The following KCNAB2 variants were observed in gnomAD, a reference collection of about 807,000 sequenced individuals.
KCNAB2 encodes the protein voltage-gated potassium channel subunit beta-2.
A neutral mutation model predicts 63.6 loss-of-function variants in KCNAB2; 29 were observed. That is an observed-to-expected ratio of 0.46 (90% CI 0.34 to 0.62). KCNAB2 has a LOEUF of 0.62. KCNAB2 is among the 20% of genes least tolerant of loss of function. The probability of loss-of-function intolerance (pLI) is 0.01; values close to 1 mark genes in which losing one functional copy is unlikely to be tolerated. For synonymous variants in KCNAB2, 222 were observed against 224.2 expected, an observed-to-expected ratio of 0.99 and a Z score of 0.09; for missense variants, 359 against 563.9, an observed-to-expected ratio of 0.64 and a Z score of 3.68.
intron 11 of KCNAB2, 112 bp from the exon 12 acceptor site, chr1:6,095,211 C>G: frequency 8.6e-7 from 1 of 1,166,416 alleles, no homozygotes. Context: ...CGGGCTGCAG[C>G]TGCTGGGCCA....
chr1:6,092,583 G>C (rs1481567981), intron 10 of KCNAB2, among the ~76,000 whole-genome samples: 1 of 152,270 alleles, frequency 6.6e-6, no homozygotes, highest in Non-Finnish European at 1.5e-5. Flanking sequence ...TGCCCCGAGA[G>C]TGTTTCTAAA....
intron 1 of KCNAB2, among the ~76,000 whole-genome samples, chr1:6,039,383 G>A (rs1052486821): frequency 3.3e-5 from 5 of 152,212 alleles, no homozygotes; most frequent in Non-Finnish European, 5.9e-5. Flanking sequence ...GGCGTGCAGA[G>A]CTGAGAGGGT....
At chr1:6,080,392 G>T (rs1406909047) in intron 4 of KCNAB2, among the ~76,000 whole-genome samples, 1 of 152,182 alleles carries the variant, frequency 6.6e-6, no homozygotes, top group South Asian at 2.1e-4. Flanking sequence ...AGGCTGGGGG[G>T]GCAGCAGCAG....
rs765567558 is a variant in KCNAB2, at chr1:6,074,823, G to A, written c.300+1053G>A. On this transcript the variant is annotated intron_variant, in intron 4 of 15. Transcript: ENST00000378083. This position sits in a 1 kb window ranked among gnomAD's most constrained non-coding sequence, Gnocchi z 4.9. ...TACAAAAATTAGCTGGGCGTGGTAG[G>A]GGCGCCTGTAATCCCAGCTACTCAG... Among the ~76,000 whole-genome samples, 6 of 151,958 alleles carry A rather than the reference G, an allele frequency of 3.9e-5. No homozygotes were observed. Among genetic ancestry groups the A allele is most frequent in the Non-Finnish European group, 7.4e-5 (5 of 67,980 alleles).
intron 2 of KCNAB2, among the ~76,000 whole-genome samples, chr1:6,058,216 G>A (rs1490197272): frequency 2.0e-5 from 3 of 152,158 alleles, no homozygotes; most frequent in Non-Finnish European, 2.9e-5. Context: ...CAGGACCATC[G>A]CATCTTAACT....
At chr1:6,053,288 G>C (rs1276952826) in intron 2 of KCNAB2, among the ~76,000 whole-genome samples, 1 of 152,124 alleles carries the variant, frequency 6.6e-6, no homozygotes, top group Admixed American at 6.6e-5. Flanking sequence ...TTTATTGAGA[G>C]TCTGCTTGGC....
chr1:6,098,031 T>G, intron 15 of KCNAB2: 1 of 275,276 alleles, frequency 3.6e-6, no homozygotes, highest in Non-Finnish European at 5.6e-6. Context: ...TCCTGGATGT[T>G]TGGGAAGGTG....
chr1:6,025,618 T>C (rs938082028), intron 1 of KCNAB2, among the ~76,000 whole-genome samples: 7 of 152,216 alleles, frequency 4.6e-5, no homozygotes, highest in Non-Finnish European at 8.8e-5. Flanking sequence ...CTGCCCCCTC[T>C]GTGTCCTGGC....
chr1:6,027,146 A>G (rs1427625396), intron 1 of KCNAB2, among the ~76,000 whole-genome samples: 1 of 151,266 alleles, frequency 6.6e-6, no homozygotes, highest in Non-Finnish European at 1.5e-5. Flanking sequence ...TGCCTCCTCC[A>G]TTTCCCCTGG....
chr1:6,088,571 T>C (rs372810484), intron 7 of KCNAB2, among the ~76,000 whole-genome samples: 7 of 151,792 alleles, frequency 4.6e-5, no homozygotes, highest in East Asian at 1.9e-4. Context: ...TTTTAAGATA[T>C]GGGGTCTCAC....
intron 7 of KCNAB2, among the ~76,000 whole-genome samples, chr1:6,088,052 A>G (rs1389568303): frequency 1.3e-5 from 2 of 151,590 alleles, no homozygotes; most frequent in Non-Finnish European, 2.9e-5. Context: ...TTTTATTTTT[A>G]TTTTGTTTTT....
Position 6,024,788 on chromosome 1 carries a change from G to A in KCNAB2, c.-52-15729G>A, listed in dbSNP as rs1405816549. ...TGTCCAGAGCCAGAGTTCCATGGGGGGCTCCAGGGCAGGAGGTCAAGGTAT... is the reference window on the plus strand; with the variant it reads ...TGTCCAGAGCCAGAGTTCCATGGGGAGCTCCAGGGCAGGAGGTCAAGGTAT... On this transcript the variant is annotated intron_variant, in intron 1 of 16. Transcript: ENST00000341524. This position sits in a 1 kb window ranked among gnomAD's most constrained non-coding sequence, Gnocchi z 5.4. Among the ~76,000 whole-genome samples the A allele has an allele frequency of 6.6e-6, 1 of 152,182 alleles. No homozygotes were observed. Among genetic ancestry groups the A allele is most frequent in the Non-Finnish European group, 1.5e-5 (1 of 68,034 alleles).
At chr1:6,043,858 T>C (rs3827725), upstream of KCNAB2, among the ~76,000 whole-genome samples, 5,300 of 152,280 alleles carry the variant, frequency 0.035, 697 homozygotes, top group East Asian at 0.47. Flanking sequence ...CAAAACTCAG[T>C]GCCACGCAGC....
At chr1:6,039,235 C>T (rs1363551232) in intron 1 of KCNAB2, among the ~76,000 whole-genome samples, 2 of 152,098 alleles carry the variant, frequency 1.3e-5, no homozygotes, top group African/African-American at 4.8e-5. Flanking sequence ...GCTGGGAAGG[C>T]GGGGGCCTGG....
At chr1:6,012,120 T>A (rs1391634999) in intron 1 of KCNAB2, among the ~76,000 whole-genome samples, 1 of 128,004 alleles carries the variant, frequency 7.8e-6, no homozygotes, top group Non-Finnish European at 1.7e-5. Context: ...GTGGAGGTGA[T>A]GAAGGTGGAG....
chr1:6,013,290 G>A (rs1485715486), intron 1 of KCNAB2, among the ~76,000 whole-genome samples: 1 of 152,028 alleles, frequency 6.6e-6, no homozygotes, highest in African/African-American at 2.4e-5. Context: ...CAGGTGAACA[G>A]TCACACAGGC....
chr1:6,086,086 G>A lies in KCNAB2; in HGVS notation c.425+838G>A, dbSNP rs993976370. ...CATTTTGAGGCTCCCCAGACCCCTG[G>A]ACACAGCTTTATCTCAAGGTGCTGA... On this transcript the variant is annotated intron_variant, in intron 6 of 15. Transcript: ENST00000378083. The surrounding 1 kb of genome is among the most constrained non-coding windows in gnomAD (Gnocchi z 4.2). The A allele has an allele frequency of 5.1e-5, 50 of 985,300 alleles. No individual in the cohort carries two copies. Among genetic ancestry groups the A allele is most frequent in the Non-Finnish European group, 5.5e-5 (46 of 829,958 alleles). 61.0% of individuals were successfully genotyped at this position (985,300 alleles called of 1,614,324 possible).
chr1:6,004,984 A>AGT (rs1557920954), intron 1 of KCNAB2, among the ~76,000 whole-genome samples: 33 of 116,604 alleles, frequency 2.8e-4, no homozygotes, highest in South Asian at 5.6e-4. Flanking sequence ...ATGAGGGTGC[A>AGT]GGCAGAGATC....
Position 6,098,671 on chromosome 1 carries a change from C to A in KCNAB2, c.*97C>A. 6.9e-7 allele frequency: 1 copy of A among 1,450,280 alleles called. No homozygotes were observed. Among genetic ancestry groups the A allele is most frequent in the Non-Finnish European group, 9.4e-7 (1 of 1,065,796 alleles). 89.8% of individuals were successfully genotyped at this position (1,450,280 alleles called of 1,614,324 possible). Reference sequence around the variant, plus strand: ...GAAGCCAAGTGAAGAGTGTGGTTTGCATCCAAGAGAAAACACCACACTGTG... The same window carrying A: ...GAAGCCAAGTGAAGAGTGTGGTTTGAATCCAAGAGAAAACACCACACTGTG... On this transcript the variant is annotated 3_prime_UTR_variant, in exon 16 of 16. Coordinates refer to ENST00000378083, the MANE Select transcript of KCNAB2 (RefSeq NM_001199862.2).
Sources: gnomAD v4.1 joint callset for allele counts (sites outside exome capture counted in the v4.1 genomes callset) on GRCh38, gnomAD v4.1.1 for gene constraint, Gnocchi (gnomAD v3.1) non-coding constraint, MANE v1.5 for transcripts, NCBI Gene and HGNC (gene_info 2026-07-23, HGNC 2026-07-21) for gene names.